The following NXPE2 variants were observed in gnomAD, a reference collection of about 807,000 sequenced individuals.
The protein encoded by NXPE2 is NXPE family member 2.
A neutral mutation model predicts 34.4 loss-of-function variants in NXPE2; 34 were observed. The observed-to-expected ratio is 0.99, with a 90% CI of 0.75 to 1.31. The LOEUF (loss-of-function observed/expected upper bound fraction) is 1.31. Among genes scored for constraint, NXPE2 ranks in the 40% most tolerant of loss-of-function variants. The pLI, the probability that NXPE2 is intolerant of heterozygous loss-of-function variation, is 0.00. For synonymous variants in NXPE2, 235 were observed against 231.3 expected (o/e 1.02, Z -0.15); for missense variants, 649 against 672.5 (o/e 0.97, Z 0.39).
chr11:114,530,947 C>T, the NXPE2 span: 2 of 1,525,164 alleles, frequency 1.3e-6, no homozygotes, highest in South Asian at 2.6e-5. Context: ...TGAAATTAAC[C>T]TGTCTAATCA....
chr11:114,795,475 G>C, the NXPE2 span, among the ~76,000 whole-genome samples: 5 of 152,166 alleles, frequency 3.3e-5, no homozygotes, highest in African/African-American at 1.2e-4. Context: ...AACTTCATTT[G>C]GTCCTTGAAT....
chr11:114,617,558 A>G, the NXPE2 span, among the ~76,000 whole-genome samples: 1 of 152,102 alleles, frequency 6.6e-6, no homozygotes, highest in African/African-American at 2.4e-5. Flanking sequence ...CCAGTGGAAA[A>G]TAATAGTTGC....
chr11:114,478,735 A>G, the NXPE2 span, among the ~76,000 whole-genome samples: 1 of 152,216 alleles, frequency 6.6e-6, no homozygotes, highest in Admixed American at 6.5e-5. Context: ...ATCTCAACAA[A>G]GGAAGGCATT....
At chr11:114,785,593 T>G in the NXPE2 span, among the ~76,000 whole-genome samples, 4 of 152,122 alleles carry the variant, frequency 2.6e-5, no homozygotes, top group African/African-American at 9.7e-5. Flanking sequence ...CTGCTCTGTC[T>G]CTATGAAGGC....
the NXPE2 span, chr11:114,522,482 TGAA>T: frequency 6.2e-7 from 1 of 1,601,908 alleles, no homozygotes; most frequent in Admixed American, 1.7e-5. Context: ...TCCAGTTTCA[TGAA>T]GATCAAAAAA....
chr11:114,684,629 G>A (rs963176660), intron 2 of NXPE2, among the ~76,000 whole-genome samples: 1 of 151,898 alleles, frequency 6.6e-6, no homozygotes, highest in Admixed American at 6.6e-5. Context: ...GAAGGAAGAG[G>A]ACCCTTGAGA....
chr11:114,492,547 T>C, the NXPE2 span, among the ~76,000 whole-genome samples: 12 of 151,806 alleles, frequency 7.9e-5, no homozygotes, highest in South Asian at 6.2e-4. Context: ...TTTTCTTTTT[T>C]TTTTTTTTTG....
the NXPE2 span, among the ~76,000 whole-genome samples, chr11:114,808,646 A>G: frequency 6.8e-6 from 1 of 147,852 alleles, no homozygotes; most frequent in African/African-American, 2.5e-5. Context: ...TAAACCAGGA[A>G]GAAGTTGAAT....
At chr11:114,553,529 A>G in the NXPE2 span, among the ~76,000 whole-genome samples, 1 of 152,192 alleles carries the variant, frequency 6.6e-6, no homozygotes, top group South Asian at 2.1e-4. Context: ...TTGGAAATTT[A>G]TTAACCCCAT....
the NXPE2 span, among the ~76,000 whole-genome samples, chr11:114,471,975 C>G: frequency 6.6e-6 from 1 of 152,184 alleles, no homozygotes; most frequent in African/African-American, 2.4e-5. Flanking sequence ...ACTTTCTGGT[C>G]TTAGCATTAC....
chr11:114,594,669 T>C, the NXPE2 span: 1 of 1,590,194 alleles, frequency 6.3e-7, no homozygotes. Flanking sequence ...CCTACCTTTG[T>C]GGAGTTCTGG....
the NXPE2 span, among the ~76,000 whole-genome samples, chr11:114,647,316 T>A: frequency 1.8e-4 from 27 of 152,322 alleles, no homozygotes; most frequent in Admixed American, 9.8e-4. Flanking sequence ...TGAGCTTTGG[T>A]ATAAAGTTTT....
chr11:114,791,775 T>C, the NXPE2 span, among the ~76,000 whole-genome samples: 7 of 152,094 alleles, frequency 4.6e-5, no homozygotes. Flanking sequence ...GAAGTAAAGA[T>C]GTCAGGCGCG....
At chr11:114,511,832 C>T in the NXPE2 span, among the ~76,000 whole-genome samples, 3 of 152,234 alleles carry the variant, frequency 2.0e-5, no homozygotes, top group South Asian at 6.2e-4. Flanking sequence ...CCTGCTCTCT[C>T]TCCTGCCATG....
the NXPE2 span, among the ~76,000 whole-genome samples, chr11:114,485,565 A>G: frequency 6.6e-6 from 1 of 151,706 alleles, no homozygotes; most frequent in Non-Finnish European, 1.5e-5. Flanking sequence ...ATTATTGTTG[A>G]CTATAGTCAC....
the NXPE2 span, among the ~76,000 whole-genome samples, chr11:114,649,550 A>C: frequency 6.6e-6 from 1 of 152,220 alleles, no homozygotes; most frequent in Non-Finnish European, 1.5e-5. Context: ...AGAGACAGAA[A>C]GCCCATCAGT....
At chr11:114,783,054 A>C in the NXPE2 span, among the ~76,000 whole-genome samples, 45 of 151,422 alleles carry the variant, frequency 3.0e-4, no homozygotes, top group Admixed American at 8.6e-4. Context: ...GGCTAAAGCT[A>C]TATGAGAAGT....
At chr11:114,485,030 A>G in the NXPE2 span, among the ~76,000 whole-genome samples, 2 of 152,024 alleles carry the variant, frequency 1.3e-5, no homozygotes, top group Admixed American at 1.3e-4. Context: ...ATTCCAAATG[A>G]TATTTTTTTA....
downstream of NXPE2, among the ~76,000 whole-genome samples, chr11:114,710,131 C>T (rs551730411): frequency 1.2e-4 from 19 of 152,016 alleles, no homozygotes; most frequent in Admixed American, 6.5e-4. Context: ...GCAATAAATG[C>T]TTACATGAAA....
Sources: gnomAD v4.1 joint callset for allele counts (sites outside exome capture counted in the v4.1 genomes callset) on GRCh38, gnomAD v4.1.1 for gene constraint, MANE v1.5 for transcripts, NCBI Gene and HGNC (gene_info 2026-07-23, HGNC 2026-07-21) for gene names.